Variants in CDK14 observed in about 807,000 individuals in gnomAD.
CDK14 encodes cyclin dependent kinase 14, also known as cyclin-dependent kinase 14.
CDK14 carries 34 observed loss-of-function variants against 60.7 expected under a neutral mutation model. That is an observed-to-expected ratio of 0.56 (90% confidence interval 0.43 to 0.75). CDK14 has a LOEUF of 0.75. CDK14 is among the 30% of genes least tolerant of loss of function. The pLI, the probability that CDK14 is intolerant of heterozygous loss-of-function variation, is 0.00. For missense variants in CDK14, 482 were observed against 564.1 expected, an observed-to-expected ratio of 0.85 and a Z score of 1.47; for synonymous variants, 197 against 203.7, an observed-to-expected ratio of 0.97 and a Z score of 0.28.
chr7:91,043,353 C>A (rs544135880), intron 10 of CDK14, among the ~76,000 whole-genome samples: 166 of 152,248 alleles, frequency 1.1e-3, no homozygotes, highest in Non-Finnish European at 1.9e-3. Flanking sequence ...TCACATGTGA[C>A]AGATTGGCTG....
intron 14 of CDK14, among the ~76,000 whole-genome samples, chr7:91,169,601 CTT>C (rs1338706042): frequency 6.6e-6 from 1 of 152,174 alleles, no homozygotes; most frequent in Non-Finnish European, 1.5e-5. Context: ...CTTGTTCACA[CTT>C]ATTTGAGTTA....
intron 8 of CDK14, among the ~76,000 whole-genome samples, chr7:90,921,958 A>G (rs1793265143): frequency 6.6e-6 from 1 of 152,182 alleles, no homozygotes; most frequent in Non-Finnish European, 1.5e-5. Flanking sequence ...AGGACATGGT[A>G]AGTTCATGGC....
chr7:90,641,550 T>C (rs1405281282), intron 2 of CDK14, among the ~76,000 whole-genome samples: 1 of 152,122 alleles, frequency 6.6e-6, no homozygotes, highest in Non-Finnish European at 1.5e-5. Flanking sequence ...TGATTCTGTT[T>C]ATATGAAATG....
At chr7:90,813,581 C>T (rs111405953) in intron 5 of CDK14, among the ~76,000 whole-genome samples, 2,706 of 152,122 alleles carry the variant, frequency 0.018, 76 homozygotes, top group African/African-American at 0.061. Context: ...AACCCCGTCT[C>T]TACTAAAAAT....
intron 14 of CDK14, among the ~76,000 whole-genome samples, chr7:91,186,855 C>A (rs1388722805): frequency 6.6e-6 from 1 of 152,134 alleles, no homozygotes; most frequent in East Asian, 1.9e-4. Context: ...TTAAAATATT[C>A]TCTGCATGTT....
At chr7:90,838,076 G>A (rs1790171409) in intron 5 of CDK14, among the ~76,000 whole-genome samples, 2 of 152,074 alleles carry the variant, frequency 1.3e-5, no homozygotes, top group Admixed American at 1.3e-4. Context: ...GGAAGTCAGG[G>A]ACCCCAAATG....
intron 14 of CDK14, 78 bp downstream of exon 14, chr7:91,118,286 CG>C: frequency 1.5e-6 from 1 of 657,324 alleles, no homozygotes; most frequent in Non-Finnish European, 2.6e-6. Context: ...ATTTCAGACT[CG>C]TTTTTTCACC....
chr7:91,070,962 T>C (rs965220583), intron 11 of CDK14, among the ~76,000 whole-genome samples: 8 of 152,122 alleles, frequency 5.3e-5, no homozygotes, highest in African/African-American at 1.4e-4. Flanking sequence ...GAAAGTAATA[T>C]AGGATAAAGG....
chr7:90,817,594 G>T (rs1562784719), intron 5 of CDK14, among the ~76,000 whole-genome samples: 1 of 152,156 alleles, frequency 6.6e-6, no homozygotes, highest in African/African-American at 2.4e-5. Context: ...ATTTTTGTTT[G>T]TTTGTTTGTT....
chr7:90,798,567 T>C (rs1303175865), intron 5 of CDK14, among the ~76,000 whole-genome samples: 1 of 152,188 alleles, frequency 6.6e-6, no homozygotes, highest in East Asian at 1.9e-4. Context: ...TTACAAAATA[T>C]CAACAGCGGG....
chr7:90,736,377 T>C (rs1352464904), intron 3 of CDK14, among the ~76,000 whole-genome samples: 1 of 100,892 alleles, frequency 9.9e-6, no homozygotes, highest in African/African-American at 3.8e-5. Context: ...TTTTTTTTGG[T>C]AGAAAGGTTA....
chr7:90,945,793 A>G (rs1295848940), intron 8 of CDK14, among the ~76,000 whole-genome samples: 1 of 152,248 alleles, frequency 6.6e-6, no homozygotes, highest in African/African-American at 2.4e-5. Context: ...CAGAATATCT[A>G]GCAGAGTTTT....
intron 14 of CDK14, among the ~76,000 whole-genome samples, chr7:91,189,100 A>T (rs963362061): frequency 2.6e-5 from 4 of 152,328 alleles, no homozygotes; most frequent in Middle Eastern, 6.8e-3. Context: ...ATTACAAAAA[A>T]ATCAACAAAA....
In CDK14 at chr7:90,642,486, TCTGA is replaced by T. The variant is rs562712014; in HGVS notation, c.123+38243_123+38246del. Among the ~76,000 whole-genome samples, 24 of 152,338 alleles carry T rather than the reference TCTGA, an allele frequency of 1.6e-4. No homozygotes were observed. In the South Asian group the frequency reaches 4.1e-3, roughly 26 times the overall value. On this transcript the variant is annotated intron_variant, in intron 2 of 14. Coordinates refer to ENST00000380050, the MANE Select transcript of CDK14 (RefSeq NM_001287135.2). ...TTTTGCTACTTTCTTTGGATAAAAT[TCTGA>T]CTGACACTCAGAAAAAATGAATAGA...
intron 5 of CDK14, among the ~76,000 whole-genome samples, chr7:90,806,759 A>T (rs1353904003): frequency 1.3e-5 from 2 of 151,698 alleles, no homozygotes; most frequent in African/African-American, 2.4e-5. Flanking sequence ...AAATCAGGTC[A>T]CTCCCACCCT....
chr7:90,659,873 CTCTGTGTGTGTGTGTG>C (rs1420276469), intron 2 of CDK14, among the ~76,000 whole-genome samples: 1 of 140,688 alleles, frequency 7.1e-6, no homozygotes, highest in Non-Finnish European at 1.5e-5. Context: ...CTCTCTCTCT[CTCTGTGTGTGTGTGTG>C]TGTGTGTGTG....
At chr7:91,156,585 C>T (rs747408087) in intron 14 of CDK14, among the ~76,000 whole-genome samples, 18 of 152,146 alleles carry the variant, frequency 1.2e-4, no homozygotes, top group African/African-American at 1.7e-4. Flanking sequence ...AGAAGCAATT[C>T]GTACTCCCCA....
intron 5 of CDK14, among the ~76,000 whole-genome samples, chr7:90,837,855 A>G (rs1368251918): frequency 6.6e-6 from 1 of 152,178 alleles, no homozygotes; most frequent in Non-Finnish European, 1.5e-5. Context: ...TTCTTACAAC[A>G]TTAGTGTTAG....
chr7:90,710,587 T>C (rs1584809905), intron 2 of CDK14: 11 of 971,080 alleles, frequency 1.1e-5, no homozygotes, highest in Non-Finnish European at 1.3e-5. Context: ...TTTTGCATCA[T>C]TACACCTGTA....
Sources: gnomAD v4.1 joint callset for allele counts (sites outside exome capture counted in the v4.1 genomes callset) on GRCh38, gnomAD v4.1.1 for gene constraint, MANE v1.5 for transcripts, NCBI Gene and HGNC (gene_info 2026-07-23, HGNC 2026-07-21) for gene names.